Variants in TENT2 observed in about 807,000 individuals in gnomAD.
The protein encoded by TENT2 is poly(A) RNA polymerase GLD2.
TENT2 carries 44 observed loss-of-function variants against 72.2 expected under a neutral mutation model. That is an observed-to-expected ratio of 0.61 (90% confidence interval 0.48 to 0.78). The LOEUF (loss-of-function observed/expected upper bound fraction) is 0.78, where lower values mean the gene tolerates loss of function less well. Ranked by LOEUF, TENT2 falls within the 30% of genes least tolerant of loss-of-function variation. The pLI is 0.00. For synonymous variants in TENT2, 212 were observed against 192.5 expected (o/e 1.10, Z -0.84); for missense variants, 541 against 569.6 (o/e 0.95, Z 0.51).
At chr5:79,665,387 T>TA (rs1806652230) in intron 11 of TENT2, among the ~76,000 whole-genome samples, 3 of 152,144 alleles carry the variant, frequency 2.0e-5, no homozygotes, top group Non-Finnish European at 2.9e-5. Flanking sequence ...AGAAAGCGCT[T>TA]AATTGTCCAC....
chr5:79,649,285 T>C, intron 10 of TENT2, 95 bp downstream of exon 10: 1 of 1,189,330 alleles, frequency 8.4e-7, no homozygotes, highest in African/African-American at 1.5e-5. Flanking sequence ...TAGTATTGTT[T>C]TAAAAGTTCT....
intron 14 of TENT2, among the ~76,000 whole-genome samples, chr5:79,684,739 G>GC (rs1465449618): frequency 6.6e-6 from 1 of 152,108 alleles, no homozygotes; most frequent in Non-Finnish European, 1.5e-5. Context: ...CCACCTATGT[G>GC]CCCATTTCTT....
At chr5:79,649,655 C>T (rs974739854) in intron 10 of TENT2, among the ~76,000 whole-genome samples, 1 of 151,966 alleles carries the variant, frequency 6.6e-6, no homozygotes, top group Admixed American at 6.6e-5. Context: ...AGATTGGCTC[C>T]CAAATTTTAA....
At chr5:79,651,602 T>C (rs2150188188) in intron 10 of TENT2, among the ~76,000 whole-genome samples, 1 of 152,054 alleles carries the variant, frequency 6.6e-6, no homozygotes, top group African/African-American at 2.4e-5. Flanking sequence ...ACACACACAT[T>C]TTGATTTTTT....
At chr5:79,631,162 C>T (rs78474311) in intron 4 of TENT2, among the ~76,000 whole-genome samples, 1,945 of 152,304 alleles carry the variant, frequency 0.013, 55 homozygotes, top group African/African-American at 0.043. Flanking sequence ...TGCCACCAAT[C>T]CCCAGTTGTG....
Position 79,685,503 on chromosome 5 carries a change from G to C in TENT2, c.*230G>C, listed in dbSNP as rs1466510233. 2 of 339,048 alleles carry C rather than the reference G, an allele frequency of 5.9e-6. No homozygotes were observed. The highest frequency in any genetic ancestry group is 1.1e-5 in the Non-Finnish European group (2 of 190,104). The allele number at this position is 339,048 out of a possible 1,614,324, so 21.0% of individuals were successfully genotyped here. A position where few individuals can be genotyped will look rare whatever the true frequency, so the allele number is the denominator to read the frequency against. ...GTTTACATTGATGATGAGTAATATTGCATGTGTTTTCAGGTGATCAGATAA... is the reference window on the plus strand; with the variant it reads ...GTTTACATTGATGATGAGTAATATTCCATGTGTTTTCAGGTGATCAGATAA... On this transcript the variant is annotated 3_prime_UTR_variant, in exon 15 of 15. Coordinates refer to ENST00000453514, the MANE Select transcript of TENT2 (RefSeq NM_001114394.3).
chr5:79,631,440 T>TAGTTGAATATACTGTGTATAGATCTGG (rs1309745238), intron 4 of TENT2, among the ~76,000 whole-genome samples: 1 of 152,188 alleles, frequency 6.6e-6, no homozygotes, highest in East Asian at 1.9e-4. Flanking sequence ...TTAGCATTGA[T>TAGTTGAATATACTGTGTATAGATCTGG]AGTTGAATAT....
At chr5:79,675,711 G>A (rs1188590264) in intron 12 of TENT2, among the ~76,000 whole-genome samples, 3 of 152,148 alleles carry the variant, frequency 2.0e-5, no homozygotes, top group African/African-American at 7.2e-5. Flanking sequence ...GAAAGGGAGT[G>A]ATTTTAATAA....
Position 79,686,586 on chromosome 5 carries a change from C to T in TENT2, c.*1313C>T, listed in dbSNP as rs1235072376. On this transcript the variant is annotated 3_prime_UTR_variant, in exon 15 of 15. Transcript: ENST00000453514. ...TGTAAAAGGTGCACATTTTCATTTTCTTCCTTAAGTTCAAATTTTTGTATG... is the reference window on the plus strand; with the variant it reads ...TGTAAAAGGTGCACATTTTCATTTTTTTCCTTAAGTTCAAATTTTTGTATG... The T allele has an allele frequency of 6.6e-6, 1 of 151,604 alleles. No homozygotes were observed. Among genetic ancestry groups the T allele is most frequent in the Non-Finnish European group, 1.5e-5 (1 of 67,892 alleles). 9.4% of individuals were successfully genotyped at this position (151,604 alleles called of 1,614,324 possible). A position where few individuals can be genotyped will look rare whatever the true frequency, so the allele number is the denominator to read the frequency against.
chr5:79,629,504 A>G (rs919263100), intron 4 of TENT2, among the ~76,000 whole-genome samples: 1 of 152,218 alleles, frequency 6.6e-6, no homozygotes, highest in African/African-American at 2.4e-5. Context: ...ATTTAGGTAC[A>G]GCATGGTGAG....
chr5:79,651,047 T>C (rs1793551381), intron 10 of TENT2, among the ~76,000 whole-genome samples: 1 of 152,118 alleles, frequency 6.6e-6, no homozygotes, highest in Non-Finnish European at 1.5e-5. Context: ...GAATAAGTTG[T>C]GTATACATTT....
chr5:79,621,807 A>C (rs1034423760), intron 3 of TENT2, among the ~76,000 whole-genome samples: 5 of 152,130 alleles, frequency 3.3e-5, no homozygotes, highest in Non-Finnish European at 7.4e-5. Context: ...TTGTAGTTAA[A>C]CATATTTTTA....
intron 13 of TENT2, among the ~76,000 whole-genome samples, chr5:79,680,925 C>T (rs1821183249): frequency 6.6e-6 from 1 of 151,970 alleles, no homozygotes. Flanking sequence ...TCAGTTTCCT[C>T]GTACTCTTCT....
chr5:79,683,340 CA>C (rs1823632538), intron 14 of TENT2, among the ~76,000 whole-genome samples: 4 of 150,526 alleles, frequency 2.7e-5, no homozygotes, highest in Admixed American at 2.0e-4. Flanking sequence ...CACACACACA[CA>C]CCCCACCTCA....
At chr5:79,648,793 G>A in intron 9 of TENT2, 100 bp downstream of exon 9, 3 of 923,116 alleles carry the variant, frequency 3.2e-6, no homozygotes, top group South Asian at 3.5e-5. Flanking sequence ...TTGTGTTTAA[G>A]TATAGTGTAT....
chr5:79,642,390 C>T (rs959692203), intron 6 of TENT2, among the ~76,000 whole-genome samples: 1 of 152,068 alleles, frequency 6.6e-6, no homozygotes, highest in Non-Finnish European at 1.5e-5. Context: ...ACATCCCACT[C>T]ATCCTCTAGT....
intron 1 of TENT2, among the ~76,000 whole-genome samples, chr5:79,618,903 G>T (rs986691180): frequency 1.3e-4 from 20 of 152,198 alleles, no homozygotes; most frequent in African/African-American, 4.8e-4. Flanking sequence ...GAGAAAGTGG[G>T]CTGAGGGGTC....
At chr5:79,631,193 A>T (rs1044827408) in intron 4 of TENT2, among the ~76,000 whole-genome samples, 20 of 152,186 alleles carry the variant, frequency 1.3e-4, no homozygotes, top group African/African-American at 4.8e-4. Flanking sequence ...ATGCCTATGG[A>T]CATTGCCAGT....
At chr5:79,652,257 G>T (rs193020042) in intron 10 of TENT2, among the ~76,000 whole-genome samples, 2 of 151,792 alleles carry the variant, frequency 1.3e-5, no homozygotes, top group African/African-American at 4.8e-5. Context: ...AATTAATTAC[G>T]ATATACCCTA....
Sources: allele counts gnomAD v4.1 joint callset (sites outside exome capture counted in the v4.1 genomes callset), GRCh38; gene constraint gnomAD v4.1.1; transcripts MANE v1.5; gene names NCBI Gene and HGNC (gene_info 2026-07-23, HGNC 2026-07-21).